MNAT1: variants seen among roughly 807,000 people sequenced by gnomAD.
MNAT1 encodes the protein CDK-activating kinase assembly factor MAT1.
MNAT1 carries 43 observed loss-of-function variants against 42.0 expected under a neutral mutation model. The ratio of observed to expected loss-of-function variants is 1.02; its 90% confidence interval spans 0.80 to 1.32. The LOEUF (loss-of-function observed/expected upper bound fraction) is 1.32, where lower values mean the gene tolerates loss of function less well. Ranked by LOEUF, MNAT1 falls within the 40% of genes most tolerant of loss-of-function variation. The pLI is 0.00. For synonymous variants in MNAT1, 118 were observed against 120.0 expected (o/e 0.98, Z 0.11); for missense variants, 306 against 350.4 (o/e 0.87, Z 1.01).
intron 5 of MNAT1, among the ~76,000 whole-genome samples, chr14:60,813,664 A>ATAC (rs2032626319): frequency 6.6e-6 from 1 of 152,186 alleles, no homozygotes; most frequent in African/African-American, 2.4e-5. Flanking sequence ...TGTACTGGGG[A>ATAC]AAACTATGTT....
intron 6 of MNAT1, among the ~76,000 whole-genome samples, chr14:60,844,621 C>T (rs2033637740): frequency 1.3e-5 from 2 of 151,088 alleles, no homozygotes; most frequent in Non-Finnish European, 3.0e-5. Context: ...TTTATATAAA[C>T]AATTGTGTTA....
chr14:60,763,971 C>G (rs1356237489), intron 1 of MNAT1, among the ~76,000 whole-genome samples: 1 of 152,132 alleles, frequency 6.6e-6, no homozygotes, highest in Non-Finnish European at 1.5e-5. Context: ...ATTTATCTTT[C>G]CATGACAATT....
rs184931276 is a variant in MNAT1 at position 60,851,607 on chromosome 14, A to G, written c.688-28107A>G. ...TTGCAGGTTTGTTACGTAGGTACAC[A>G]TGTGCCGTGGTGGTTTGCTGCACCT... On this transcript the variant is annotated intron_variant, in intron 6 of 7. Coordinates refer to ENST00000261245, the MANE Select transcript of MNAT1 (RefSeq NM_002431.4). Among the ~76,000 whole-genome samples, 110 of 152,282 alleles carry G rather than the reference A, an allele frequency of 7.2e-4. 1 individual carries two copies. The highest frequency in any genetic ancestry group is 1.7e-3 in the East Asian group (9 of 5,178).
chr14:60,901,190 C>T (rs1242982557), intron 7 of MNAT1, among the ~76,000 whole-genome samples: 1 of 152,014 alleles, frequency 6.6e-6, no homozygotes, highest in Non-Finnish European at 1.5e-5. Flanking sequence ...TCTACTCTGC[C>T]TGTGCTTTAT....
intron 6 of MNAT1, among the ~76,000 whole-genome samples, chr14:60,843,933 T>A (rs2033615405): frequency 6.6e-6 from 1 of 152,210 alleles, no homozygotes; most frequent in East Asian, 1.9e-4. Context: ...ATAGTTGGGT[T>A]CCTGATCCAT....
intron 6 of MNAT1, among the ~76,000 whole-genome samples, chr14:60,864,176 CT>C (rs2034156683): frequency 6.6e-6 from 1 of 151,722 alleles, no homozygotes; most frequent in South Asian, 2.1e-4. Flanking sequence ...AATTGATATG[CT>C]TTAATGAACT....
chr14:60,947,982 C>T (rs2036313486), intron 7 of MNAT1, among the ~76,000 whole-genome samples: 1 of 152,178 alleles, frequency 6.6e-6, no homozygotes, highest in Non-Finnish European at 1.5e-5. Context: ...AGCTGTAGCC[C>T]CATAGAGGCC....
chr14:60,839,881 T>C (rs1391258956), intron 6 of MNAT1, among the ~76,000 whole-genome samples: 1 of 152,220 alleles, frequency 6.6e-6, no homozygotes, highest in Non-Finnish European at 1.5e-5. Context: ...CATGCACCCG[T>C]CACTGCTCTG....
intron 6 of MNAT1, among the ~76,000 whole-genome samples, chr14:60,875,262 T>C (rs955959443): frequency 1.4e-4 from 22 of 152,244 alleles, no homozygotes; most frequent in Middle Eastern, 3.4e-3. Context: ...GATTATATTA[T>C]TTAAAAATAG....
intron 7 of MNAT1, among the ~76,000 whole-genome samples, chr14:60,907,850 G>T (rs918982311): frequency 4.0e-5 from 6 of 149,070 alleles, no homozygotes; most frequent in African/African-American, 1.5e-4. Flanking sequence ...CAACAGTATT[G>T]CACTTTCTAG....
chr14:60,892,246 G>A (rs1176332649), intron 7 of MNAT1, among the ~76,000 whole-genome samples: 8 of 152,026 alleles, frequency 5.3e-5, no homozygotes, highest in Non-Finnish European at 1.0e-4. Flanking sequence ...TGAGAGGGGA[G>A]TATTGAAGGC....
chr14:60,905,751 C>T (rs1201920436), intron 7 of MNAT1, among the ~76,000 whole-genome samples: 1 of 152,016 alleles, frequency 6.6e-6, no homozygotes, highest in Non-Finnish European at 1.5e-5. Context: ...AGTGAATTTA[C>T]ACTTCCTTCG....
chr14:60,940,892 TA>T (rs1410553487), intron 7 of MNAT1, among the ~76,000 whole-genome samples: 1 of 150,962 alleles, frequency 6.6e-6, no homozygotes, highest in Admixed American at 6.6e-5. Flanking sequence ...AAGCTCAATT[TA>T]AAAAAAAAGT....
chr14:60,793,939 TTTAAA>T (rs2031915044), intron 1 of MNAT1, among the ~76,000 whole-genome samples: 2 of 152,136 alleles, frequency 1.3e-5, no homozygotes, highest in African/African-American at 4.8e-5. Flanking sequence ...TTTAATACTA[TTTAAA>T]TTATTATGAC....
At chr14:60,826,307 A>ATTT (rs60838198) in intron 6 of MNAT1, among the ~76,000 whole-genome samples, 21 of 119,768 alleles carry the variant, frequency 1.8e-4, no homozygotes, top group African/African-American at 5.3e-4. Context: ...AATAGGAGAA[A>ATTT]TTTTTTTTTT....
intron 3 of MNAT1, among the ~76,000 whole-genome samples, chr14:60,807,533 G>A (rs1473712647): frequency 3.3e-5 from 5 of 152,124 alleles, no homozygotes; most frequent in Admixed American, 2.6e-4. Flanking sequence ...TACTGATATG[G>A]ATTCCTCCAT....
intron 7 of MNAT1, among the ~76,000 whole-genome samples, chr14:60,920,525 T>C (rs1203675372): frequency 1.3e-5 from 2 of 152,120 alleles, no homozygotes; most frequent in African/African-American, 4.8e-5. Context: ...GTGCAAGCAA[T>C]TCTCCTGCCT....
intron 3 of MNAT1, among the ~76,000 whole-genome samples, chr14:60,801,034 A>G (rs766797981): frequency 2.6e-5 from 4 of 152,184 alleles, no homozygotes; most frequent in East Asian, 1.9e-4. Flanking sequence ...ATAAAATGCT[A>G]TGGGAATACA....
At position 60,871,223 on chromosome 14, in the gene MNAT1, C is replaced by T. The variant is rs188827674; in HGVS notation, c.688-8491C>T. Among the ~76,000 whole-genome samples the T allele has an allele frequency of 1.5e-3, 227 of 152,324 alleles. 2 individuals are homozygous for T. Among genetic ancestry groups the T allele is most frequent in the Admixed American group, 2.7e-3 (41 of 15,302 alleles). ...CATTTAGATTGTTTCCACTATTTGG[C>T]TGCTATTAATAGCTGCTATGAACAT... On this transcript the variant is annotated intron_variant, in intron 6 of 7. Transcript: ENST00000261245.
Sources: allele counts gnomAD v4.1 joint callset (sites outside exome capture counted in the v4.1 genomes callset), GRCh38; gene constraint gnomAD v4.1.1; transcripts MANE v1.5; gene names NCBI Gene and HGNC (gene_info 2026-07-23, HGNC 2026-07-21).